The following TACR3 variants were observed in gnomAD, a reference collection of about 807,000 sequenced individuals.
The protein encoded by TACR3 is neuromedin-K receptor.
TACR3 carries 34 observed loss-of-function variants against 35.0 expected under a neutral mutation model. That is an observed-to-expected ratio of 0.97 (90% CI 0.74 to 1.30). The LOEUF (loss-of-function observed/expected upper bound fraction) is 1.30. Among genes scored for constraint, TACR3 ranks in the 50% most tolerant of loss-of-function variants. The pLI is 0.00. For synonymous variants in TACR3, 233 were observed against 221.1 expected, an observed-to-expected ratio of 1.05 and a Z score of -0.48; for missense variants, 558 against 591.7, an observed-to-expected ratio of 0.94 and a Z score of 0.59.
intron 2 of TACR3, 93 bp from the exon 3 acceptor site, chr4:103,656,437 A>G: frequency 8.3e-7 from 1 of 1,207,030 alleles, no homozygotes; most frequent in Non-Finnish European, 1.2e-6. Context: ...AATTAAAACT[A>G]CCAAGAGTTA....
At chr4:103,680,709 G>A (rs939930508) in intron 1 of TACR3, among the ~76,000 whole-genome samples, 3 of 151,588 alleles carry the variant, frequency 2.0e-5, no homozygotes, top group African/African-American at 7.3e-5. Flanking sequence ...ATTTACCTAA[G>A]TCATCTATCA....
intron 1 of TACR3, among the ~76,000 whole-genome samples, chr4:103,691,255 C>T (rs1186173270): frequency 3.3e-5 from 5 of 152,102 alleles, no homozygotes; most frequent in African/African-American, 1.2e-4. Context: ...CAGTGGAATA[C>T]CCTCAGGGAT....
In TACR3 at chr4:103,600,049, A is replaced by C. The variant is rs57989788; in HGVS notation, c.889-8366T>G. 3.3e-3 allele frequency among the ~76,000 whole-genome samples: 494 copies of C among 151,356 alleles called. 4 individuals are homozygous for C. Among genetic ancestry groups the C allele is most frequent in the African/African-American group, 0.011 (466 of 41,328 alleles). ...GGAATGGTATCAGCTCCTCTTTGTA[A>C]CTCTGGTAGAATTCGGCTGTGAATC... On this transcript the variant is annotated intron_variant, in intron 3 of 4. Transcript: ENST00000304883.
Position 103,591,506 on chromosome 4 carries a change from A to C in TACR3, c.1066T>G (p.Tyr356Asp). 1 of 1,613,860 alleles carries C rather than the reference A, an allele frequency of 6.2e-7. No individual in the cohort carries two copies. Among genetic ancestry groups the C allele is most frequent in the Non-Finnish European group, 8.5e-7 (1 of 1,179,800 alleles). ...MSSTMYNPII[Y>D]CCLNKRFRAG... is the part of the protein sequence containing the mutation. Reference sequence around the variant, plus strand: ...TTTTACCTTTTATTCAGACAGCAGTAGATGATGGGATTGTACATGGTTGAG... The same window carrying C: ...TTTTACCTTTTATTCAGACAGCAGTCGATGATGGGATTGTACATGGTTGAG... Residue 356 changes from tyrosine (Y) to aspartate (D), a missense_variant, in exon 4 of 5, where the codon TAC (tyrosine) becomes GAC (aspartate). By Grantham distance (160) the Tyr-to-Asp change is radical (BLOSUM62 -3). Transcript: ENST00000304883.
intron 1 of TACR3, among the ~76,000 whole-genome samples, chr4:103,697,410 AT>A (rs1560535646): frequency 3.5e-5 from 5 of 141,830 alleles, no homozygotes; most frequent in African/African-American, 1.3e-4. Flanking sequence ...TTGTTTATTT[AT>A]TTATTTATTT....
chr4:103,619,607 G>C (rs187263944), intron 3 of TACR3, among the ~76,000 whole-genome samples: 2 of 152,268 alleles, frequency 1.3e-5, no homozygotes, highest in African/African-American at 2.4e-5. Flanking sequence ...AGGTCTCAAG[G>C]AGAATGGTTT....
chr4:103,649,143 T>G (rs973377345), intron 3 of TACR3, among the ~76,000 whole-genome samples: 6 of 152,148 alleles, frequency 3.9e-5, no homozygotes, highest in Non-Finnish European at 1.5e-5. Context: ...TTAGATTTTT[T>G]TCCTAGAGAG....
chr4:103,694,728 G>T (rs955303583), intron 1 of TACR3, among the ~76,000 whole-genome samples: 2 of 151,902 alleles, frequency 1.3e-5, no homozygotes, highest in Non-Finnish European at 2.9e-5. Context: ...TATGTAAAAA[G>T]GTGTTTACCT....
chr4:103,616,100 G>T (rs1163510359), intron 3 of TACR3, among the ~76,000 whole-genome samples: 2 of 152,138 alleles, frequency 1.3e-5, no homozygotes, highest in Non-Finnish European at 2.9e-5. Flanking sequence ...AGAAATTCAT[G>T]ACCTGTGCTA....
intron 1 of TACR3, among the ~76,000 whole-genome samples, chr4:103,707,420 C>T (rs28650409): frequency 0.33 from 50,114 of 151,926 alleles, 12,811 homozygotes; most frequent in African/African-American, 0.71. Flanking sequence ...TTTATATTGA[C>T]GTATTTTTTT....
chr4:103,589,845 A>G lies in TACR3; in HGVS notation c.1235T>C (p.Val412Ala), dbSNP rs1723854578. ...GGTGTCTGCATCGTTGGGGTCAAAC[A>G]CGACTGTCATGGACTCCATTCTGGT... ...TVTRMESMTV[V>A]FDPNDADTTR... is the part of the protein sequence containing the mutation. Residue 412 changes from valine (V) to alanine (A), a missense_variant, in exon 5 of 5, where the codon GTG becomes GCG. Val to Ala is a moderately conservative substitution (Grantham distance 64). Coordinates refer to ENST00000304883, the MANE Select transcript of TACR3 (RefSeq NM_001059.3). 6.2e-7 allele frequency: 1 copy of G among 1,613,784 alleles called. No homozygotes were observed. Among genetic ancestry groups the G allele is most frequent in the Non-Finnish European group, 8.5e-7 (1 of 1,179,860 alleles).
intron 1 of TACR3, among the ~76,000 whole-genome samples, chr4:103,688,233 A>G (rs1015406997): frequency 2.6e-5 from 4 of 152,186 alleles, no homozygotes; most frequent in Admixed American, 1.3e-4. Flanking sequence ...CTTACACCCT[A>G]TACAACAATC....
intron 3 of TACR3, among the ~76,000 whole-genome samples, chr4:103,646,923 G>C (rs1296454514): frequency 6.6e-6 from 1 of 151,822 alleles, no homozygotes; most frequent in Admixed American, 6.6e-5. Context: ...GTATGATATA[G>C]GCAAGACTAA....
At chr4:103,667,518 C>T (rs893293060) in intron 1 of TACR3, among the ~76,000 whole-genome samples, 1 of 152,104 alleles carries the variant, frequency 6.6e-6, no homozygotes, top group African/African-American at 2.4e-5. Flanking sequence ...AAAGTGCTAA[C>T]AGCTTGAGGT....
Position 103,694,776 on chromosome 4 carries a change from A to T in TACR3, c.548+24352T>A, listed in dbSNP as rs1470656069. 2.6e-5 allele frequency among the ~76,000 whole-genome samples: 4 copies of T among 152,308 alleles called. No individual in the cohort carries two copies. The South Asian group carries it at 6.2e-4, about 24-fold the overall frequency. Reference sequence around the variant, plus strand: ...CCAGAATAAAAGATTTGCTATATAAATATCATAAAAATTAGTCTTTAAGGC... The same window carrying T: ...CCAGAATAAAAGATTTGCTATATAATTATCATAAAAATTAGTCTTTAAGGC... On this transcript the variant is annotated intron_variant, in intron 1 of 4. Coordinates refer to ENST00000304883, the MANE Select transcript of TACR3 (RefSeq NM_001059.3).
chr4:103,592,156 T>C (rs1723912205), intron 3 of TACR3, among the ~76,000 whole-genome samples: 1 of 152,226 alleles, frequency 6.6e-6, no homozygotes, highest in South Asian at 2.1e-4. Flanking sequence ...AGCTTAAGAC[T>C]ATTTAGATTT....
intron 3 of TACR3, among the ~76,000 whole-genome samples, chr4:103,642,953 A>T (rs1371873157): frequency 6.6e-6 from 1 of 151,866 alleles, no homozygotes; most frequent in Non-Finnish European, 1.5e-5. Context: ...ATAATTATGT[A>T]TCAATATGAA....
intron 3 of TACR3, among the ~76,000 whole-genome samples, chr4:103,638,812 T>C (rs1725272754): frequency 6.6e-6 from 1 of 152,014 alleles, no homozygotes; most frequent in Non-Finnish European, 1.5e-5. Context: ...AAGAAGACAT[T>C]TATGCAGCCA....
At chr4:103,666,476 A>G (rs1434683937) in intron 1 of TACR3, among the ~76,000 whole-genome samples, 1 of 152,196 alleles carries the variant, frequency 6.6e-6, no homozygotes, top group Non-Finnish European at 1.5e-5. Context: ...CCTCATTAAT[A>G]TATTGATTAT....
Sources: gnomAD v4.1 joint callset for allele counts (sites outside exome capture counted in the v4.1 genomes callset) on GRCh38, gnomAD v4.1.1 for gene constraint, MANE v1.5 for transcripts, NCBI Gene and HGNC (gene_info 2026-07-23, HGNC 2026-07-21) for gene names.